The following OVOL2 variants were observed in gnomAD, a reference collection of about 807,000 sequenced individuals.
OVOL2 encodes ovo like zinc finger 2, also known as transcription factor Ovo-like 2.
OVOL2 carries 13 observed loss-of-function variants against 18.1 expected under a neutral mutation model. The observed-to-expected ratio is 0.72, with a 90% CI of 0.47 to 1.14. The LOEUF (loss-of-function observed/expected upper bound fraction) is 1.14, where lower values mean the gene tolerates loss of function less well. OVOL2 is among the 50% of genes most tolerant of loss of function. OVOL2 has a pLI of 0.00. For synonymous variants in OVOL2, 166 were observed against 162.7 expected, an observed-to-expected ratio of 1.02 and a Z score of -0.16; for missense variants, 335 against 383.0, an observed-to-expected ratio of 0.87 and a Z score of 1.05.
At chr20:18,058,650 C>T (rs2036852712), upstream of OVOL2, among the ~76,000 whole-genome samples, 1 of 152,052 alleles carries the variant, frequency 6.6e-6, no homozygotes, top group Admixed American at 6.6e-5. Context: ...CGCCCACTCC[C>T]ACCGTTGCCT....
In OVOL2 at chr20:18,057,884, A is replaced by G. The variant is rs1364632923; in HGVS notation, c.-250T>C. ...GAGACCACGCCGGGGAAAAAGTTTCATAAGGTGGAATAGAAAAGGCACCAG... is the reference window on the plus strand; with the variant it reads ...GAGACCACGCCGGGGAAAAAGTTTCGTAAGGTGGAATAGAAAAGGCACCAG... On this transcript the variant is annotated 5_prime_UTR_variant, in exon 1 of 4. The change abolishes an upstream ATG in the 5' untranslated region. Transcript: ENST00000278780. This position sits in a 1 kb window ranked among gnomAD's most constrained non-coding sequence, Gnocchi z 6.3. 2.3e-6 allele frequency: 3 copies of G among 1,326,872 alleles called. No homozygotes were observed. The highest frequency in any genetic ancestry group is 4.0e-5 in the Admixed American group (1 of 24,988). The allele number at this position is 1,326,872 out of a possible 1,614,324, so 82.2% of individuals were successfully genotyped here.
Position 18,024,942 on chromosome 20 carries a change from G to A in OVOL2, c.522C>T (p.Pro174=). ...RHVRTHTGIR[P]YKCNVCNKAF... is the part of the protein sequence containing the mutation. The stretch of plus-strand genomic sequence containing the variant: ...CTTTATTGCAGACGTTGCATTTGTA[G>A]GGACGAATGCCTGAAAGGATGAGGG... The change falls in exon 4 of 4, where the codon CCC becomes CCT. Residue 174 remains proline, a synonymous_variant. Transcript: ENST00000278780. 1 of 1,610,504 alleles carries A rather than the reference G, an allele frequency of 6.2e-7. No homozygotes were observed. The highest frequency in any genetic ancestry group is 8.5e-7 in the Non-Finnish European group (1 of 1,176,992).
intron 2 of OVOL2, among the ~76,000 whole-genome samples, chr20:18,054,532 C>G (rs6105863): frequency 0.18 from 28,099 of 152,034 alleles, 2,775 homozygotes; most frequent in Middle Eastern, 0.26. Context: ...CACCTGAGGT[C>G]GGGAGTTCAA....
rs555219370 is a variant in OVOL2 at position 18,030,942 on chromosome 20, C to T, written c.512-5990G>A. On this transcript the variant is annotated intron_variant, in intron 3 of 3. Coordinates refer to ENST00000278780, the MANE Select transcript of OVOL2 (RefSeq NM_021220.4). ...GAACAAGCACCTCCCTCCCAGAGCA[C>T]CCCCATCACCCACACATTCAGGGGG... Among the ~76,000 whole-genome samples the T allele has an allele frequency of 7.2e-5, 11 of 152,306 alleles. No homozygotes were observed. In the South Asian group the frequency reaches 2.3e-3, roughly 32 times the overall value.
intron 2 of OVOL2, among the ~76,000 whole-genome samples, chr20:18,054,763 T>C (rs1299596396): frequency 1.3e-5 from 1 of 79,560 alleles, no homozygotes; most frequent in Admixed American, 1.5e-4. Context: ...CGAAACTCCA[T>C]CTCAAAAAAA....
intron 2 of OVOL2, among the ~76,000 whole-genome samples, chr20:18,050,947 A>G (rs528571237): frequency 6.6e-6 from 1 of 152,350 alleles, no homozygotes; most frequent in African/African-American, 2.4e-5. Context: ...GGGGAGGAGT[A>G]TTCAAGTCTG....
intron 3 of OVOL2, among the ~76,000 whole-genome samples, chr20:18,025,732 C>T (rs1053842066): frequency 1.3e-5 from 2 of 152,310 alleles, no homozygotes; most frequent in East Asian, 1.9e-4. Context: ...GCCAGTTACA[C>T]GGTGGACAAC....
Position 18,024,530 on chromosome 20 carries a change from G to A in OVOL2, c.*106C>T. ...TTTCAAAAGGACACAGAGGTGAACT[G>A]GTCACTTCTAATTAAGAAGAGCCAG... On this transcript the variant is annotated 3_prime_UTR_variant, in exon 4 of 4. Coordinates refer to ENST00000278780, the MANE Select transcript of OVOL2 (RefSeq NM_021220.4). 1 of 1,456,138 alleles carries A rather than the reference G, an allele frequency of 6.9e-7. No individual in the cohort carries two copies. Among genetic ancestry groups the A allele is most frequent in the South Asian group, 1.5e-5 (1 of 68,140 alleles). The allele number at this position is 1,456,138 out of a possible 1,614,324, so 90.2% of individuals were successfully genotyped here.
intron 3 of OVOL2, among the ~76,000 whole-genome samples, chr20:18,033,242 G>A (rs1425725294): frequency 6.6e-6 from 1 of 152,222 alleles, no homozygotes; most frequent in East Asian, 1.9e-4. Flanking sequence ...CCCGATGGAA[G>A]ATAAGGACAG....
intron 3 of OVOL2, among the ~76,000 whole-genome samples, chr20:18,038,492 C>A (rs1176634785): frequency 2.0e-5 from 3 of 152,186 alleles, no homozygotes; most frequent in Admixed American, 6.5e-5. Context: ...ATGTGACCGC[C>A]TCAACTTGTA....
At chr20:18,044,425 A>G (rs1447542178) in intron 2 of OVOL2, among the ~76,000 whole-genome samples, 4 of 152,172 alleles carry the variant, frequency 2.6e-5, no homozygotes, top group Admixed American at 2.6e-4. Flanking sequence ...CACAATCAGT[A>G]TGTGCTGACC....
intron 2 of OVOL2, among the ~76,000 whole-genome samples, chr20:18,043,411 G>A (rs1406992242): frequency 1.3e-5 from 2 of 152,150 alleles, no homozygotes; most frequent in Admixed American, 1.3e-4. Context: ...TTATAAGCCA[G>A]CTGCCACATA....
intron 2 of OVOL2, among the ~76,000 whole-genome samples, chr20:18,047,849 G>A (rs1381740612): frequency 2.9e-4 from 18 of 61,892 alleles, no homozygotes; most frequent in African/African-American, 1.3e-3. Context: ...GTGAGACTCC[G>A]TCTCAAAAAA....
At chr20:18,032,329 GAGAA>G (rs147231866) in intron 3 of OVOL2, among the ~76,000 whole-genome samples, 11,364 of 144,216 alleles carry the variant, frequency 0.079, 1,005 homozygotes, top group East Asian at 0.28. Flanking sequence ...GAAAGAAAGA[GAGAA>G]AGAAAGAAAG....
At chr20:18,026,301 A>C (rs1200253293) in intron 3 of OVOL2, among the ~76,000 whole-genome samples, 3 of 152,178 alleles carry the variant, frequency 2.0e-5, no homozygotes, top group Non-Finnish European at 4.4e-5. Context: ...GAGCCTCAGA[A>C]TCACCTGGAG....
intron 3 of OVOL2, among the ~76,000 whole-genome samples, chr20:18,035,749 T>C (rs1272048775): frequency 6.6e-6 from 1 of 152,154 alleles, no homozygotes; most frequent in Admixed American, 6.5e-5. Context: ...CGGGATGGGG[T>C]AAATAGGTCT....
chr20:18,026,602 C>T (rs940318266), intron 3 of OVOL2, among the ~76,000 whole-genome samples: 2 of 152,112 alleles, frequency 1.3e-5, no homozygotes, highest in African/African-American at 2.4e-5. Flanking sequence ...AGAATGGTCT[C>T]GATCTCCTGA....
At chr20:18,046,513 A>G (rs1396532640) in intron 2 of OVOL2, among the ~76,000 whole-genome samples, 1 of 152,246 alleles carries the variant, frequency 6.6e-6, no homozygotes, top group African/African-American at 2.4e-5. Context: ...AAGCCCAGTC[A>G]TCCCACAGAG....
chr20:18,058,405 C>G (rs79681871), upstream of OVOL2, among the ~76,000 whole-genome samples: 2 of 56,154 alleles, frequency 3.6e-5, no homozygotes, highest in Non-Finnish European at 8.5e-5. Flanking sequence ...AGCTACAACA[C>G]CCCCCCCCCA....
Sources: gnomAD v4.1 joint callset for allele counts (sites outside exome capture counted in the v4.1 genomes callset) on GRCh38, gnomAD v4.1.1 for gene constraint, Gnocchi (gnomAD v3.1) non-coding constraint, MANE v1.5 for transcripts, NCBI Gene and HGNC (gene_info 2026-07-23, HGNC 2026-07-21) for gene names.